ARHGAP28: variants seen among roughly 807,000 people sequenced by gnomAD.
The protein encoded by ARHGAP28 is Rho GTPase activating protein 28.
ARHGAP28 carries 56 observed loss-of-function variants against 90.7 expected under a neutral mutation model. The ratio of observed to expected loss-of-function variants is 0.62; its 90% CI spans 0.50 to 0.77. ARHGAP28 has a LOEUF of 0.77. Among genes scored for constraint, ARHGAP28 ranks in the 30% least tolerant of loss-of-function variants. The pLI is 0.00. For synonymous variants in ARHGAP28, 308 were observed against 323.3 expected, an observed-to-expected ratio of 0.95 and a Z score of 0.51; for missense variants, 869 against 900.9, an observed-to-expected ratio of 0.96 and a Z score of 0.45.
At chr18:6,818,876 G>C (rs1313334705) in intron 1 of ARHGAP28, among the ~76,000 whole-genome samples, 1 of 152,214 alleles carries the variant, frequency 6.6e-6, no homozygotes, top group African/African-American at 2.4e-5. Flanking sequence ...GAGGACAGAA[G>C]GTGCTGAACC....
At chr18:6,865,830 C>T (rs1361768935) in intron 5 of ARHGAP28, among the ~76,000 whole-genome samples, 1 of 152,126 alleles carries the variant, frequency 6.6e-6, no homozygotes, top group Non-Finnish European at 1.5e-5. Context: ...GAGCAACTTT[C>T]AGCAGAGGGA....
chr18:6,901,862 A>G (rs1326567904), intron 16 of ARHGAP28, among the ~76,000 whole-genome samples: 2 of 152,196 alleles, frequency 1.3e-5, no homozygotes, highest in African/African-American at 4.8e-5. Flanking sequence ...TAAAGATGTC[A>G]GCAGGGTTGA....
intron 2 of ARHGAP28, among the ~76,000 whole-genome samples, chr18:6,828,082 A>T (rs2056687011): frequency 1.3e-5 from 2 of 151,884 alleles, no homozygotes; most frequent in Non-Finnish European, 2.9e-5. Context: ...AGTTAACGAG[A>T]CTCCGTCTGC....
At chr18:6,850,816 G>A in intron 3 of ARHGAP28, 1 of 1,522,902 alleles carries the variant, frequency 6.6e-7, no homozygotes, top group South Asian at 1.2e-5. Context: ...GTTTGCTTCT[G>A]AGACGAATTC....
intron 1 of ARHGAP28, chr18:6,730,221 G>A (rs56885545): frequency 0.48 from 81,675 of 171,762 alleles, 21,151 homozygotes; most frequent in South Asian, 0.64. Flanking sequence ...TAAGTCATGT[G>A]TATATATATA....
intron 1 of ARHGAP28, among the ~76,000 whole-genome samples, chr18:6,777,948 G>A (rs1471291867): frequency 6.6e-6 from 1 of 152,124 alleles, no homozygotes; most frequent in East Asian, 1.9e-4. Context: ...TGGCTACACT[G>A]GGGACTCTGA....
intron 1 of ARHGAP28, among the ~76,000 whole-genome samples, chr18:6,758,211 T>C (rs533246031): frequency 6.6e-6 from 1 of 152,306 alleles, no homozygotes; most frequent in South Asian, 2.1e-4. Flanking sequence ...CATACTATAA[T>C]AAAACCATCA....
intron 1 of ARHGAP28, among the ~76,000 whole-genome samples, chr18:6,805,502 T>G (rs938957467): frequency 4.2e-5 from 6 of 144,474 alleles, no homozygotes; most frequent in African/African-American, 1.0e-4. Context: ...TTTTTTTTTT[T>G]GAAACGGAAT....
chr18:6,848,893 T>C lies in ARHGAP28; in HGVS notation c.544-2141T>C, dbSNP rs115852577. Among the ~76,000 whole-genome samples, 770 of 152,192 alleles carry C rather than the reference T, an allele frequency of 5.1e-3. 10 individuals carry two copies. The highest frequency in any genetic ancestry group is 0.017 in the African/African-American group (716 of 41,522). On this transcript the variant is annotated intron_variant, in intron 3 of 17. Transcript: ENST00000383472. Reference sequence around the variant, plus strand: ...TCCCAGTCTCCCCATGGGCAAAATATTCTCTCACTTGGCTTTCACTATGCC... The same window carrying C: ...TCCCAGTCTCCCCATGGGCAAAATACTCTCTCACTTGGCTTTCACTATGCC...
chr18:6,749,546 A>AT (rs1278244315), intron 1 of ARHGAP28, among the ~76,000 whole-genome samples: 2 of 151,468 alleles, frequency 1.3e-5, no homozygotes, highest in African/African-American at 2.4e-5. Flanking sequence ...TTTCTATACC[A>AT]TTTTTTTAAA....
At chr18:6,844,953 T>C (rs1460544402) in intron 3 of ARHGAP28, among the ~76,000 whole-genome samples, 3 of 152,092 alleles carry the variant, frequency 2.0e-5, no homozygotes, top group African/African-American at 4.8e-5. Context: ...GAAGTCAAAG[T>C]GTGGGGGAAG....
chr18:6,787,219 TAAAAAAAAAAAA>T (rs11350947), intron 1 of ARHGAP28, among the ~76,000 whole-genome samples: 1,276 of 94,628 alleles, frequency 0.013, 36 homozygotes, highest in African/African-American at 0.048. Context: ...AAACTCCATT[TAAAAAAAAAAAA>T]AAAAAAAAAA....
At chr18:6,763,500 A>C (rs2056178056) in intron 1 of ARHGAP28, among the ~76,000 whole-genome samples, 1 of 152,184 alleles carries the variant, frequency 6.6e-6, no homozygotes, top group African/African-American at 2.4e-5. Context: ...TCAAGGAAGA[A>C]TATTCCTGCA....
At chr18:6,903,953 C>G (rs1600307320) in intron 16 of ARHGAP28, among the ~76,000 whole-genome samples, 1 of 151,118 alleles carries the variant, frequency 6.6e-6, no homozygotes, top group East Asian at 1.9e-4. Context: ...GTATCAGAAA[C>G]TAGATATCAG....
At chr18:6,854,940 G>C (rs763054176) in intron 4 of ARHGAP28, among the ~76,000 whole-genome samples, 13 of 152,264 alleles carry the variant, frequency 8.5e-5, no homozygotes, top group Admixed American at 5.2e-4. Context: ...AACCCCCCAC[G>C]GTGTGCACAT....
At chr18:6,753,104 C>T (rs552672570) in intron 1 of ARHGAP28, among the ~76,000 whole-genome samples, 24 of 151,832 alleles carry the variant, frequency 1.6e-4, no homozygotes, top group South Asian at 1.0e-3. Context: ...ATGTAATTTG[C>T]GAGGAGGGAG....
intron 1 of ARHGAP28, among the ~76,000 whole-genome samples, chr18:6,760,461 A>G (rs1187553369): frequency 2.0e-5 from 3 of 152,224 alleles, no homozygotes. Flanking sequence ...ATACAGTAAA[A>G]TAATGAAATT....
At chr18:6,852,001 G>A (rs2056914429) in intron 4 of ARHGAP28, among the ~76,000 whole-genome samples, 1 of 152,034 alleles carries the variant, frequency 6.6e-6, no homozygotes, top group African/African-American at 2.4e-5. Context: ...GGTCTATATA[G>A]TTGTTAAAAC....
intron 16 of ARHGAP28, among the ~76,000 whole-genome samples, chr18:6,906,509 C>G (rs10853340): frequency 0.8 from 122,164 of 152,078 alleles, 49,347 homozygotes; most frequent in Non-Finnish European, 0.85. Context: ...TTTGAGAAAA[C>G]TACAAAAGCA....
Sources: gnomAD v4.1 joint callset for allele counts (sites outside exome capture counted in the v4.1 genomes callset) on GRCh38, gnomAD v4.1.1 for gene constraint, MANE v1.5 for transcripts, NCBI Gene and HGNC (gene_info 2026-07-23, HGNC 2026-07-21) for gene names.